Variants in SLC24A4 observed in about 807,000 individuals in gnomAD.
SLC24A4 encodes sodium/potassium/calcium exchanger 4.
SLC24A4 carries 53 observed loss-of-function variants against 79.0 expected under a neutral mutation model. The observed-to-expected ratio is 0.67, with a 90% CI of 0.54 to 0.84. The LOEUF is 0.84. Among genes scored for constraint, SLC24A4 ranks in the 40% least tolerant of loss-of-function variants. The probability of loss-of-function intolerance (pLI) is 0.00; values close to 1 mark genes in which losing one functional copy is unlikely to be tolerated. For synonymous variants in SLC24A4, 323 were observed against 323.8 expected (o/e 1.00, Z 0.03); for missense variants, 731 against 822.0 (o/e 0.89, Z 1.35).
chr14:92,414,886 A>T (rs1197329741), intron 2 of SLC24A4, among the ~76,000 whole-genome samples: 1 of 152,232 alleles, frequency 6.6e-6, no homozygotes, highest in Non-Finnish European at 1.5e-5. Flanking sequence ...TCACAGCCCT[A>T]GACCCAGAAT....
rs370238593 is a variant in SLC24A4 at position 92,492,165 on chromosome 14, G to C, written c.1651-10G>C. 8.2e-5 allele frequency: 132 copies of C among 1,613,692 alleles called. 1 individual carries two copies. The highest frequency in any genetic ancestry group is 7.6e-6 in the Non-Finnish European group (9 of 1,179,914). ...CAAGAGACTCAGGGCACGTGTGTTTGATTTTCCAGGTGAAGATCAACAGCC... is the reference window on the plus strand; with the variant it reads ...CAAGAGACTCAGGGCACGTGTGTTTCATTTTCCAGGTGAAGATCAACAGCC... On this transcript the variant is annotated splice_polypyrimidine_tract_variant and intron_variant, in intron 15 of 16. Coordinates refer to ENST00000532405, the MANE Select transcript of SLC24A4 (RefSeq NM_153646.4).
At chr14:92,474,629 C>T (rs991112891) in intron 12 of SLC24A4, among the ~76,000 whole-genome samples, 4 of 150,714 alleles carry the variant, frequency 2.7e-5, no homozygotes, top group African/African-American at 9.8e-5. Context: ...GGTTTATAGG[C>T]ACCCACCACA....
chr14:92,434,562 G>C (rs968324480), intron 3 of SLC24A4, among the ~76,000 whole-genome samples: 1 of 152,130 alleles, frequency 6.6e-6, no homozygotes, highest in Non-Finnish European at 1.5e-5. Flanking sequence ...CTCTCCTCAT[G>C]CTGGGCAGTA....
At chr14:92,447,022 C>T (rs966866153) in intron 8 of SLC24A4, among the ~76,000 whole-genome samples, 14 of 152,164 alleles carry the variant, frequency 9.2e-5, no homozygotes, top group African/African-American at 2.9e-4. Flanking sequence ...CTCTCAGGGT[C>T]GAGTTTGTGT....
At chr14:92,350,515 C>G (rs1011957969) in intron 2 of SLC24A4, among the ~76,000 whole-genome samples, 4 of 152,156 alleles carry the variant, frequency 2.6e-5, no homozygotes, top group African/African-American at 9.7e-5. Flanking sequence ...TGGGTACCAT[C>G]CCTAAGGACC....
At chr14:92,474,827 A>ATGTGTGTGTGTGTGTG (rs1484148777) in intron 12 of SLC24A4, among the ~76,000 whole-genome samples, 6,227 of 76,894 alleles carry the variant, frequency 0.081, 809 homozygotes, top group Middle Eastern at 0.13. Context: ...ATATACATAT[A>ATGTGTGTGTGTGTGTG]TATGTGTGTG....
At position 92,353,726 on chromosome 14, in the gene SLC24A4, C is replaced by T. The variant is rs1282175953; in HGVS notation, c.241+27748C>T. Among the ~76,000 whole-genome samples the T allele has an allele frequency of 2.0e-5, 3 of 152,158 alleles. No individual in the cohort carries two copies. Among genetic ancestry groups the T allele is most frequent in the Admixed American group, 2.0e-4 (3 of 15,280 alleles). ...GTGTAGGCATTTAATCAGCTGTACC[C>T]TACTTGGGCTGTGTTGTCAGAAAAG... On this transcript the variant is annotated intron_variant, in intron 2 of 16. Transcript: ENST00000532405. This position sits in a 1 kb window ranked among gnomAD's most constrained non-coding sequence, Gnocchi z 4.1.
At chr14:92,433,818 T>C (rs1350613788) in intron 2 of SLC24A4, 94 bp from the exon 3 acceptor site, 2 of 1,043,610 alleles carry the variant, frequency 1.9e-6, no homozygotes, top group Non-Finnish European at 3.0e-6. Context: ...CGAGGTGGGC[T>C]CTGCAGTTCC....
intron 2 of SLC24A4, among the ~76,000 whole-genome samples, chr14:92,400,311 C>A (rs953660750): frequency 6.6e-6 from 1 of 151,868 alleles, no homozygotes; most frequent in African/African-American, 2.4e-5. Flanking sequence ...TGGTGGCATG[C>A]GCCTGTAGTC....
chr14:92,394,967 G>A (rs117835876), intron 2 of SLC24A4, among the ~76,000 whole-genome samples: 154 of 152,290 alleles, frequency 1.0e-3, no homozygotes, highest in South Asian at 2.5e-3. Context: ...GTGAGACCCC[G>A]GCTGTTGGAT....
intron 2 of SLC24A4, among the ~76,000 whole-genome samples, chr14:92,426,889 G>A (rs1411886773): frequency 5.3e-5 from 8 of 152,162 alleles, no homozygotes; most frequent in African/African-American, 1.9e-4. Flanking sequence ...CTTCCAGTCT[G>A]GTTTTCATCG....
At chr14:92,391,944 C>A (rs991615795) in intron 2 of SLC24A4, among the ~76,000 whole-genome samples, 2 of 152,160 alleles carry the variant, frequency 1.3e-5, no homozygotes, top group Non-Finnish European at 2.9e-5. Context: ...GCGTGAGAGA[C>A]TCCAAGTGAG....
chr14:92,456,717 T>G (rs1893493711), intron 12 of SLC24A4, 109 bp downstream of exon 12: 3 of 1,132,966 alleles, frequency 2.6e-6, no homozygotes, highest in Non-Finnish European at 3.8e-6. Context: ...GGCAGAGGGC[T>G]GGTGCAAAGG....
At position 92,363,948 on chromosome 14, in the gene SLC24A4, G is replaced by A. The variant is rs112219264; in HGVS notation, c.241+37970G>A. ...TGCCCTCGGACGTCCCGGCCACGCC[G>A]ACCCACACAATGCCTCCTGACTGTG... On this transcript the variant is annotated intron_variant, in intron 2 of 16. Transcript: ENST00000532405. Among the ~76,000 whole-genome samples, 1,013 of 152,230 alleles carry A rather than the reference G, an allele frequency of 6.7e-3. 13 individuals carry two copies. Among genetic ancestry groups the A allele is most frequent in the African/African-American group, 0.023 (935 of 41,534 alleles).
At chr14:92,360,469 C>G (rs1300145540) in intron 2 of SLC24A4, among the ~76,000 whole-genome samples, 1 of 152,218 alleles carries the variant, frequency 6.6e-6, no homozygotes, top group Non-Finnish European at 1.5e-5. Context: ...TTCATATTCA[C>G]TGTGATTATT....
Position 92,472,928 on chromosome 14 carries a change from A to G in SLC24A4, c.1256-9752A>G, listed in dbSNP as rs572235763. The stretch of plus-strand genomic sequence containing the variant: ...AGCCTGTAGAAGTTACTCAGTTCTA[A>G]GGCTGCATACTCACCCTCCCTTGCC... On this transcript the variant is annotated intron_variant, in intron 12 of 16. Coordinates refer to ENST00000532405, the MANE Select transcript of SLC24A4 (RefSeq NM_153646.4). Among the ~76,000 whole-genome samples the G allele has an allele frequency of 2.6e-5, 4 of 152,246 alleles. No homozygotes were observed. In the East Asian group the frequency reaches 7.7e-4, roughly 29 times the overall value.
intron 2 of SLC24A4, among the ~76,000 whole-genome samples, chr14:92,349,127 G>T (rs1157123041): frequency 1.3e-5 from 2 of 150,296 alleles, no homozygotes; most frequent in East Asian, 3.9e-4. Context: ...TTTCTCCCCA[G>T]ATTTCCAATG....
rs376969985 is a variant in SLC24A4, at chr14:92,493,654, G to T, written c.*26G>T. ...CGCTGAGTCGCGGCCCCTGGGAGCT[G>T]ATCTGGACACCCTGTGACACTGGCG... On this transcript the variant is annotated 3_prime_UTR_variant, in exon 17 of 17. Coordinates refer to ENST00000532405, the MANE Select transcript of SLC24A4 (RefSeq NM_153646.4). 3 of 1,612,330 alleles carry T rather than the reference G, an allele frequency of 1.9e-6. No homozygotes were observed. The African/African-American group carries it at 4.0e-5, about 22-fold the overall frequency.
At position 92,493,463 on chromosome 14, in the gene SLC24A4, T is replaced by A. The variant is rs1895810328; in HGVS notation, c.1717-13T>A. ...TGCCCTGCAAGCCCAGTTCCCACAC[T>A]CTGTCCTCCCAGGTCCTCGGCATCC... On this transcript the variant is annotated splice_polypyrimidine_tract_variant and intron_variant, in intron 16 of 16. Coordinates refer to ENST00000532405, the MANE Select transcript of SLC24A4 (RefSeq NM_153646.4). 6.2e-7 allele frequency: 1 copy of A among 1,613,650 alleles called. No homozygotes were observed. The highest frequency in any genetic ancestry group is 1.1e-5 in the South Asian group (1 of 91,050).
Sources: gnomAD v4.1 joint callset for allele counts (sites outside exome capture counted in the v4.1 genomes callset) on GRCh38, gnomAD v4.1.1 for gene constraint, Gnocchi (gnomAD v3.1) non-coding constraint, MANE v1.5 for transcripts, NCBI Gene and HGNC (gene_info 2026-07-23, HGNC 2026-07-21) for gene names.